Variants in NFAT5 observed in about 807,000 individuals in gnomAD.
The protein encoded by NFAT5 is nuclear factor of activated T cells 5, also known as nuclear factor of activated T-cells 5.
NFAT5 carries 31 observed loss-of-function variants against 166.5 expected under a neutral mutation model. The observed-to-expected ratio is 0.19, with a 90% CI of 0.14 to 0.25. The LOEUF is 0.25. Among genes scored for constraint, NFAT5 ranks in the 10% least tolerant of loss-of-function variants. The pLI, the probability that NFAT5 is intolerant of heterozygous loss-of-function variation, is 1.00. For synonymous variants in NFAT5, 612 were observed against 639.7 expected, an observed-to-expected ratio of 0.96 and a Z score of 0.65; for missense variants, 1,449 against 1,821.8, an observed-to-expected ratio of 0.80 and a Z score of 3.72.
intron 3 of NFAT5, among the ~76,000 whole-genome samples, chr16:69,637,349 G>C (rs1363067091): frequency 6.6e-6 from 1 of 152,132 alleles, no homozygotes; most frequent in African/African-American, 2.4e-5. Flanking sequence ...CTGTTACCCA[G>C]TTCCAAAGTC....
intron 2 of NFAT5, among the ~76,000 whole-genome samples, chr16:69,616,948 T>C (rs2033976732): frequency 6.6e-6 from 1 of 150,750 alleles, no homozygotes; most frequent in Admixed American, 6.6e-5. Flanking sequence ...TTCTTTTTTT[T>C]TTTTTTTTTT....
At chr16:69,576,291 CAAAAAAA>C in intron 2 of NFAT5, among the ~76,000 whole-genome samples, 1 of 55,304 alleles carries the variant, frequency 1.8e-5, no homozygotes, top group South Asian at 6.0e-4. Context: ...GACTCGGTCT[CAAAAAAA>C]AAAAAAAAAA....
At chr16:69,610,753 T>C (rs1172166955) in intron 2 of NFAT5, among the ~76,000 whole-genome samples, 5 of 152,366 alleles carry the variant, frequency 3.3e-5, no homozygotes, top group Middle Eastern at 6.8e-3. Flanking sequence ...ATTCTTGCTT[T>C]TAATGTGAAT....
chr16:69,700,152 T>G lies in NFAT5; in HGVS notation c.*3801T>G, dbSNP rs1408487152. On this transcript the variant is annotated 3_prime_UTR_variant, in exon 15 of 15. Transcript: ENST00000349945. ...CTTCCATCTCCCCCTCCTCCCTGCC[T>G]TCTTTGTTTCTCCTTCCCTTATTCC... 1 of 150,224 alleles carries G rather than the reference T, an allele frequency of 6.7e-6. No homozygotes were observed. Among genetic ancestry groups the G allele is most frequent in the African/African-American group, 2.4e-5 (1 of 40,908 alleles). The allele number at this position is 150,224 out of a possible 1,614,324, so 9.3% of individuals were successfully genotyped here. A position where few individuals can be genotyped will look rare whatever the true frequency, so the allele number is the denominator to read the frequency against.
chr16:69,702,584 A>G lies in NFAT5; in HGVS notation c.*6233A>G, dbSNP rs567452972. The G allele has an allele frequency of 6.6e-6, 1 of 152,398 alleles. No homozygotes were observed. The highest frequency in any genetic ancestry group is 2.1e-4 in the South Asian group (1 of 4,832). 9.4% of individuals were successfully genotyped at this position (152,398 alleles called of 1,614,324 possible). A position where few individuals can be genotyped will look rare whatever the true frequency, so the allele number is the denominator to read the frequency against. ...CTAGTATCAGTATCACCTGGGAACT[A>G]GTTAGAAATGTAAATTCTTTGGCCC... On this transcript the variant is annotated 3_prime_UTR_variant, in exon 15 of 15. Transcript: ENST00000349945.
At chr16:69,618,501 G>A (rs2034060054) in intron 2 of NFAT5, among the ~76,000 whole-genome samples, 1 of 152,202 alleles carries the variant, frequency 6.6e-6, no homozygotes, top group South Asian at 2.1e-4. Context: ...TGACTGTCAA[G>A]CTTGAAGTGT....
intron 2 of NFAT5, among the ~76,000 whole-genome samples, chr16:69,586,060 T>G (rs1206889110): frequency 6.6e-6 from 1 of 152,236 alleles, no homozygotes; most frequent in Non-Finnish European, 1.5e-5. Flanking sequence ...ACAAGAAATT[T>G]TTAAGAGTAA....
intron 4 of NFAT5, chr16:69,649,069 C>G (rs1384268800): frequency 1.2e-6 from 1 of 853,178 alleles, no homozygotes; most frequent in Admixed American, 6.2e-5. Context: ...TATACTCTTT[C>G]CTAAAATGTT....
chr16:69,614,138 C>A (rs908746730), intron 2 of NFAT5, among the ~76,000 whole-genome samples: 3 of 151,228 alleles, frequency 2.0e-5, no homozygotes, highest in Non-Finnish European at 4.4e-5. Flanking sequence ...TCTTTTCTTT[C>A]TTTTCTTCTC....
At position 69,693,494 on chromosome 16, in the gene NFAT5, G is replaced by A. The variant is rs2037639164; in HGVS notation, c.3669G>A (p.Gln1223=). The A allele has an allele frequency of 2.5e-6, 4 of 1,614,044 alleles. No homozygotes were observed. The highest frequency in any genetic ancestry group is 2.7e-5 in the African/African-American group (2 of 74,898). The change falls in exon 13 of 15, where the codon CAG becomes CAA. Residue 1223 remains glutamine (Q), a synonymous_variant. Coordinates refer to ENST00000349945, the MANE Select transcript of NFAT5 (RefSeq NM_138713.4). Reference sequence around the variant, plus strand: ...CCCAAGAACAGGCACAACCCCCGCAGCAGGGTTTATTTCAGCCTCAGGTGG... The same window carrying A: ...CCCAAGAACAGGCACAACCCCCGCAACAGGGTTTATTTCAGCCTCAGGTGG... ...MLSQEQAQPP[Q]QGLFQPQVAL... is the part of the protein sequence containing the mutation.
chr16:69,662,109 G>A (rs1282259073), intron 7 of NFAT5, among the ~76,000 whole-genome samples: 4 of 152,010 alleles, frequency 2.6e-5, no homozygotes, highest in African/African-American at 9.7e-5. Flanking sequence ...GTATTATAAA[G>A]TTATATAAAG....
rs779419920 is a variant in NFAT5, at chr16:69,670,081, A to G, written c.1474A>G (p.Thr492Ala). 1 of 1,612,826 alleles carries G rather than the reference A, an allele frequency of 6.2e-7. No homozygotes were observed. The highest frequency in any genetic ancestry group is 2.2e-5 in the East Asian group (1 of 44,812). The change falls in exon 8 of 15, where the codon ACT (threonine) becomes GCT (alanine). Residue 492 changes from threonine to alanine, a missense_variant. Around this residue, in one of 7 missense-constraint regions of NFAT5, gnomAD observed 245 missense variants for 366.6 expected, o/e 0.67. Transcript: ENST00000349945. The stretch of plus-strand genomic sequence containing the variant: ...AATCGGCAAGAACTTTCTGAAAGGA[A>G]CTAAAGTTATTTTCCAAGAAAATGT... ...FLIGKNFLKG[T>A]KVIFQENVSD... is the part of the protein sequence containing the mutation.
In NFAT5 at chr16:69,566,464, G is replaced by A. The variant is rs1357290293; in HGVS notation, c.73+90G>A. ...AGGGGAGGCGAGGGGTCCCCGTCCC[G>A]CCGGGGGCGGCTGAGCCGCGACCCC... On this transcript the variant is annotated intron_variant, in intron 1 of 14. Coordinates refer to ENST00000349945, the MANE Select transcript of NFAT5 (RefSeq NM_138713.4). This position sits in a 1 kb window ranked among gnomAD's most constrained non-coding sequence, Gnocchi z 5.7. The A allele has an allele frequency of 5.3e-6, 6 of 1,138,940 alleles. No individual in the cohort carries two copies. The highest frequency in any genetic ancestry group is 7.7e-6 in the Non-Finnish European group (6 of 781,126). The allele number at this position is 1,138,940 out of a possible 1,614,324, so 70.6% of individuals were successfully genotyped here.
At chr16:69,617,341 ATAAC>A (rs1759856807) in intron 2 of NFAT5, among the ~76,000 whole-genome samples, 1 of 152,196 alleles carries the variant, frequency 6.6e-6, no homozygotes, top group South Asian at 2.1e-4. Context: ...TGGATTCTTG[ATAAC>A]TAGAGAGTTT....
intron 9 of NFAT5, among the ~76,000 whole-genome samples, chr16:69,671,684 T>C (rs768186375): frequency 2.0e-5 from 3 of 152,178 alleles, no homozygotes; most frequent in Non-Finnish European, 4.4e-5. Context: ...CCTATAGTTT[T>C]ACAACAAAAG....
intron 11 of NFAT5, among the ~76,000 whole-genome samples, chr16:69,690,175 G>C (rs565739703): frequency 6.6e-6 from 1 of 152,210 alleles, no homozygotes; most frequent in African/African-American, 2.4e-5. Context: ...ATAGTGAAGT[G>C]GTAGAATCTT....
intron 2 of NFAT5, among the ~76,000 whole-genome samples, chr16:69,569,433 C>T (rs2016305436): frequency 6.6e-6 from 1 of 151,614 alleles, no homozygotes; most frequent in African/African-American, 2.4e-5. Context: ...CAGTAACAAA[C>T]ATTTTATGGT....
intron 1 of NFAT5, among the ~76,000 whole-genome samples, chr16:69,568,162 A>G (rs2016189584): frequency 6.6e-6 from 1 of 152,042 alleles, no homozygotes. Flanking sequence ...CACTACTAAA[A>G]ATACAAAATT....
At chr16:69,573,298 A>G (rs1039734552) in intron 2 of NFAT5, among the ~76,000 whole-genome samples, 2 of 152,346 alleles carry the variant, frequency 1.3e-5, no homozygotes, top group African/African-American at 4.8e-5. Context: ...TCATAGTGCA[A>G]AAATGGAAAA....
Sources: gnomAD v4.1 joint callset for allele counts (sites outside exome capture counted in the v4.1 genomes callset) on GRCh38, gnomAD v4.1.1 for gene constraint, gnomAD v4.1.1 regional missense constraint, Gnocchi (gnomAD v3.1) non-coding constraint, MANE v1.5 for transcripts, NCBI Gene and HGNC (gene_info 2026-07-23, HGNC 2026-07-21) for gene names.